Variants in FGF13 observed in about 807,000 individuals in gnomAD.
FGF13 encodes the protein fibroblast growth factor homologous factor 2.
FGF13 carries 2 observed loss-of-function variants against 19.5 expected under a neutral mutation model. The observed-to-expected ratio is 0.10, with a 90% CI of 0.04 to 0.32. The LOEUF (loss-of-function observed/expected upper bound fraction) is 0.32, where lower values mean the gene tolerates loss of function less well. Ranked by LOEUF, FGF13 falls within the 10% of genes least tolerant of loss-of-function variation. The probability of loss-of-function intolerance (pLI) is 1.00; values close to 1 mark genes in which losing one functional copy is unlikely to be tolerated. For synonymous variants in FGF13, 72 were observed against 76.9 expected (o/e 0.94, Z 0.33); for missense variants, 113 against 192.7 (o/e 0.59, Z 2.45).
chrX:138,836,021 T>C (rs2091110684), intron 3 of FGF13, among the ~76,000 whole-genome samples: 1 of 111,603 alleles, frequency 9.0e-6, no homozygotes, highest in Admixed American at 9.5e-5. Flanking sequence ...CCCAATGTCT[T>C]CTAGCTTACA....
chrX:138,929,265 G>GTGTGTGTC (rs773978849), intron 1 of FGF13, among the ~76,000 whole-genome samples: 16 of 108,131 alleles, frequency 1.5e-4, no homozygotes, highest in African/African-American at 5.4e-4. Flanking sequence ...GTGTGTGTGT[G>GTGTGTGTC]TCTCTCTGTG....
Position 138,984,560 on chromosome X carries a change from GA to G in FGF13, c.-112-119911del, listed in dbSNP as rs1208842447. On this transcript the variant is annotated intron_variant, in intron 1 of 2. Coordinates refer to the FGF13 transcript ENST00000421460. Reference sequence around the variant, plus strand: ...AGAAGAAGAAGAAGAAGAAGAAGAAGAAGAAGAAGAAGAAGAAGAAGAAGAA... The same window carrying G: ...AGAAGAAGAAGAAGAAGAAGAAGAAGAGAAGAAGAAGAAGAAGAAGAAGAA... Among the ~76,000 whole-genome samples, 11 of 43,868 alleles carry G rather than the reference GA, an allele frequency of 2.5e-4. 1 individual carries two copies. The highest frequency in any genetic ancestry group is 8.3e-4 in the African/African-American group (10 of 12,020). The allele number at this position is 43,868 out of a possible 115,157, so 38.1% of individuals were successfully genotyped here. A position where few individuals can be genotyped will look rare whatever the true frequency, so the allele number is the denominator to read the frequency against.
chrX:139,131,051 A>T (rs1228894575), intron 1 of FGF13, among the ~76,000 whole-genome samples: 1 of 111,755 alleles, frequency 8.9e-6, no homozygotes, highest in East Asian at 2.8e-4. Flanking sequence ...AGGTTGGCCT[A>T]TAATTTTCTT....
intron 3 of FGF13, among the ~76,000 whole-genome samples, chrX:138,844,079 G>A (rs2091166491): frequency 8.9e-6 from 1 of 112,091 alleles, no homozygotes; most frequent in Admixed American, 9.5e-5. Context: ...TGCTAGACAA[G>A]GAATCAATTT....
At chrX:138,782,726 T>C (rs1479899720) in intron 3 of FGF13, among the ~76,000 whole-genome samples, 2 of 95,350 alleles carry the variant, frequency 2.1e-5, no homozygotes, top group Admixed American at 1.2e-4. Context: ...ATCGTGAAAA[T>C]GGCCATACTG....
At chrX:139,187,566 A>C (rs1194233572) in intron 1 of FGF13, among the ~76,000 whole-genome samples, 3 of 111,873 alleles carry the variant, frequency 2.7e-5, no homozygotes, top group African/African-American at 9.7e-5. Context: ...CACAATTAAC[A>C]AAACCCTGAG....
chrX:138,674,915 A>G (rs1310483698), intron 3 of FGF13, among the ~76,000 whole-genome samples: 2 of 111,698 alleles, frequency 1.8e-5, no homozygotes, highest in African/African-American at 6.5e-5. Context: ...GTGTGACAAA[A>G]TTGTCAAGGG....
chrX:139,134,064 C>T (rs780730714), intron 1 of FGF13, among the ~76,000 whole-genome samples: 1 of 111,450 alleles, frequency 9.0e-6, no homozygotes, highest in African/African-American at 3.3e-5. Context: ...CTCTTCTTTC[C>T]ATTTTTCCCA....
intron 3 of FGF13, among the ~76,000 whole-genome samples, chrX:138,812,107 A>G (rs7886634): frequency 1.6e-3 from 177 of 110,976 alleles, no homozygotes; most frequent in African/African-American, 5.6e-3. Flanking sequence ...GCACTAACCT[A>G]CCATCTGTCT....
rs1297428357 is a variant in FGF13, at chrX:138,625,166, T to C, written c.*7684A>G. 1 of 110,269 alleles carries C rather than the reference T, an allele frequency of 9.1e-6. No individual in the cohort carries two copies. Among genetic ancestry groups the C allele is most frequent in the Non-Finnish European group, 1.9e-5 (1 of 52,868 alleles). 9.1% of individuals were successfully genotyped at this position (110,269 alleles called of 1,213,427 possible). A position where few individuals can be genotyped will look rare whatever the true frequency, so the allele number is the denominator to read the frequency against. ...CACATGTTATTAATAGGAATAATAT[T>C]ATCCAAAACTTAAAAGATAATGTGT... On this transcript the variant is annotated 3_prime_UTR_variant, in exon 5 of 5. Coordinates refer to ENST00000315930, the MANE Select transcript of FGF13 (RefSeq NM_004114.5).
At chrX:139,160,537 A>T (rs1282895300) in intron 1 of FGF13, among the ~76,000 whole-genome samples, 1 of 111,928 alleles carries the variant, frequency 8.9e-6, no homozygotes, top group Non-Finnish European at 1.9e-5. Context: ...CGTTAAAAAA[A>T]TCAAGGAATC....
At chrX:139,184,159 T>C (rs1176061895) in intron 1 of FGF13, among the ~76,000 whole-genome samples, 5 of 112,315 alleles carry the variant, frequency 4.5e-5, no homozygotes, top group Non-Finnish European at 9.4e-5. Context: ...ACCAACTTAG[T>C]ACATGTAAAT....
At chrX:138,830,135 A>C (rs1454954436) in intron 3 of FGF13, among the ~76,000 whole-genome samples, 2 of 112,629 alleles carry the variant, frequency 1.8e-5, no homozygotes. Context: ...CAAATTCCTA[A>C]AACTGTGGAA....
chrX:138,988,907 G>C (rs776900903), intron 1 of FGF13, among the ~76,000 whole-genome samples: 1 of 111,252 alleles, frequency 9.0e-6, no homozygotes, highest in Non-Finnish European at 1.9e-5. Flanking sequence ...CTCAACACTA[G>C]GAAATATATA....
intron 1 of FGF13, among the ~76,000 whole-genome samples, chrX:139,169,388 C>T (rs2084111773): frequency 9.0e-6 from 1 of 111,400 alleles, no homozygotes; most frequent in Middle Eastern, 4.6e-3. Flanking sequence ...ACCCCGAGGG[C>T]CAGACATCCC....
chrX:138,783,619 C>A (rs1490903229), intron 3 of FGF13, among the ~76,000 whole-genome samples: 3 of 98,367 alleles, frequency 3.0e-5, no homozygotes, highest in African/African-American at 1.1e-4. Flanking sequence ...AATGAGATAC[C>A]ATCTCACACC....
intron 1 of FGF13, among the ~76,000 whole-genome samples, chrX:138,727,093 T>C (rs192658091): frequency 5.4e-5 from 6 of 111,235 alleles, no homozygotes; most frequent in Admixed American, 4.8e-4. Context: ...TTTTCTGATA[T>C]GGAAAGTGAT....
At chrX:138,918,085 C>T (rs1262679738) in intron 1 of FGF13, among the ~76,000 whole-genome samples, 2 of 110,324 alleles carry the variant, frequency 1.8e-5, no homozygotes, top group African/African-American at 6.6e-5. Flanking sequence ...ACGAATCATA[C>T]CAACAGATAG....
chrX:139,067,525 C>A (rs1156417164), intron 1 of FGF13, among the ~76,000 whole-genome samples: 1 of 111,608 alleles, frequency 9.0e-6, no homozygotes, highest in African/African-American at 3.3e-5. Flanking sequence ...AGTGAAGTCC[C>A]ATTCACAATT....
Sources: allele counts gnomAD v4.1 joint callset (sites outside exome capture counted in the v4.1 genomes callset), GRCh38; gene constraint gnomAD v4.1.1; transcripts MANE v1.5; gene names NCBI Gene and HGNC (gene_info 2026-07-23, HGNC 2026-07-21).